TENM2: variants seen among roughly 807,000 people sequenced by gnomAD.
TENM2 encodes teneurin transmembrane protein 2.
In TENM2, 52 loss-of-function variants were observed where a neutral mutation model predicts 245.2. The observed-to-expected ratio is 0.21, with a 90% CI of 0.17 to 0.27. TENM2 has a LOEUF of 0.27. Ranked by LOEUF, TENM2 falls within the 10% of genes least tolerant of loss-of-function variation. TENM2 has a pLI of 1.00. For missense variants in TENM2, 3,046 were observed against 3,666.8 expected (o/e 0.83, Z 4.37); for synonymous variants, 1,363 against 1,438.9 (o/e 0.95, Z 1.19).
chr5:168,127,775 T>A (rs565677709), intron 12 of TENM2, among the ~76,000 whole-genome samples: 2 of 152,258 alleles, frequency 1.3e-5, no homozygotes, highest in Admixed American at 1.3e-4. Flanking sequence ...GGTTTTTACT[T>A]TTGTTATTTA....
Position 168,244,564 on chromosome 5 carries a change from G to A in TENM2, c.5665G>A (p.Ala1889Thr). 6 of 1,612,342 alleles carry A rather than the reference G, an allele frequency of 3.7e-6. No individual in the cohort carries two copies. Among genetic ancestry groups the A allele is most frequent in the Non-Finnish European group, 5.1e-6 (6 of 1,178,950 alleles). Residue 1889 changes from alanine to threonine, a missense_variant, in exon 26 of 29, where the codon GCA becomes ACA. By Grantham distance (58) the Ala-to-Thr change is moderately conservative. Transcript: ENST00000518659. The surrounding 1 kb of genome is among the most constrained non-coding windows in gnomAD (Gnocchi z 4.9). ...CCTCTGGCTGCCCAGCAGCGGGCTG[G>A]CAGCTGTCAACGTGTCATACTTCTT...
the TENM2 span, among the ~76,000 whole-genome samples, chr5:167,062,094 C>T: frequency 6.6e-6 from 1 of 152,008 alleles, no homozygotes; most frequent in Non-Finnish European, 1.5e-5. Flanking sequence ...TTACCAAAAG[C>T]CTTAAAGCAG....
intron 2 of TENM2, among the ~76,000 whole-genome samples, chr5:167,577,758 G>A (rs556950266): frequency 6.6e-6 from 1 of 151,944 alleles, no homozygotes. Flanking sequence ...TTCAAAGTAC[G>A]ATGAGCTAAG....
chr5:167,978,905 G>A (rs1186477878), intron 4 of TENM2, among the ~76,000 whole-genome samples: 1 of 152,158 alleles, frequency 6.6e-6, no homozygotes, highest in East Asian at 1.9e-4. Flanking sequence ...CAACAAGATA[G>A]TTAGGCTAGA....
intron 2 of TENM2, among the ~76,000 whole-genome samples, chr5:167,766,110 A>T (rs546703383): frequency 5.3e-5 from 8 of 152,320 alleles, no homozygotes; most frequent in Non-Finnish European, 8.8e-5. Context: ...GACAAATTGC[A>T]GGAAGAGAGA....
At chr5:168,072,093 C>T (rs1381253275) in intron 7 of TENM2, among the ~76,000 whole-genome samples, 1 of 152,190 alleles carries the variant, frequency 6.6e-6, no homozygotes, top group Non-Finnish European at 1.5e-5. Flanking sequence ...ATTTTCACAG[C>T]CAGCCCACAT....
chr5:167,535,287 G>A (rs1055011759), intron 2 of TENM2, among the ~76,000 whole-genome samples: 8 of 151,914 alleles, frequency 5.3e-5, no homozygotes, highest in Non-Finnish European at 7.4e-5. Flanking sequence ...GCGCCTCAAA[G>A]GGGTGACATA....
At chr5:167,654,126 T>C (rs1038905651) in intron 2 of TENM2, among the ~76,000 whole-genome samples, 1 of 152,166 alleles carries the variant, frequency 6.6e-6, no homozygotes, top group Non-Finnish European at 1.5e-5. Context: ...TAACTTTTTT[T>C]TTTTACTACC....
chr5:167,967,535 G>A (rs1238868560), intron 4 of TENM2, among the ~76,000 whole-genome samples: 1 of 152,124 alleles, frequency 6.6e-6, no homozygotes, highest in Non-Finnish European at 1.5e-5. Context: ...TTTTAAATTT[G>A]CCTGCCTCTA....
At chr5:167,630,698 G>T (rs761239298) in intron 2 of TENM2, among the ~76,000 whole-genome samples, 2 of 152,098 alleles carry the variant, frequency 1.3e-5, no homozygotes, top group Admixed American at 6.5e-5. Flanking sequence ...TCTTTAAAAT[G>T]CAATAACCAT....
intron 5 of TENM2, among the ~76,000 whole-genome samples, chr5:168,008,592 T>C (rs1784999587): frequency 6.6e-6 from 1 of 152,054 alleles, no homozygotes; most frequent in African/African-American, 2.4e-5. Context: ...GGTGAGGCCC[T>C]GATGAAAGGG....
upstream of TENM2, among the ~76,000 whole-genome samples, chr5:167,283,029 A>G (rs758173439): frequency 6.6e-6 from 1 of 151,944 alleles, no homozygotes; most frequent in Non-Finnish European, 1.5e-5. Context: ...CTTGAAGATC[A>G]TAATATTTGT....
At chr5:167,681,133 T>C (rs1468728446) in intron 2 of TENM2, among the ~76,000 whole-genome samples, 2 of 152,238 alleles carry the variant, frequency 1.3e-5, no homozygotes, top group Non-Finnish European at 2.9e-5. Context: ...TAAATTGTTT[T>C]AATATGCTCC....
In TENM2 at chr5:168,068,477, A is replaced by G. The variant is rs548402741; in HGVS notation, c.1515+6212A>G. Among the ~76,000 whole-genome samples, 5 of 152,316 alleles carry G rather than the reference A, an allele frequency of 3.3e-5. No individual in the cohort carries two copies. The East Asian group carries it at 9.6e-4, about 29-fold the overall frequency. Reference sequence around the variant, plus strand: ...TGATAGTTTTGTTACCATAGAGTTTACAGTTCAAATCCATGTTTAGTATTA... The same window carrying G: ...TGATAGTTTTGTTACCATAGAGTTTGCAGTTCAAATCCATGTTTAGTATTA... On this transcript the variant is annotated intron_variant, in intron 7 of 28. Transcript: ENST00000518659.
intron 1 of TENM2, among the ~76,000 whole-genome samples, chr5:167,336,072 A>G (rs1757734376): frequency 6.6e-6 from 1 of 151,902 alleles, no homozygotes; most frequent in East Asian, 1.9e-4. Context: ...GCCAGACTCT[A>G]TACAGTGCTG....
intron 5 of TENM2, among the ~76,000 whole-genome samples, chr5:168,014,198 G>C (rs1177873548): frequency 6.6e-6 from 1 of 152,198 alleles, no homozygotes; most frequent in Non-Finnish European, 1.5e-5. Flanking sequence ...TATCTTAATA[G>C]TAATGGCGAT....
chr5:167,669,281 T>A (rs749435593), intron 2 of TENM2, among the ~76,000 whole-genome samples: 3 of 152,186 alleles, frequency 2.0e-5, no homozygotes, highest in Non-Finnish European at 4.4e-5. Flanking sequence ...TTTAAAATTA[T>A]ACCGTTTGTA....
intron 7 of TENM2, among the ~76,000 whole-genome samples, chr5:168,069,069 G>GA (rs33917157): frequency 4.6e-5 from 7 of 151,672 alleles, no homozygotes; most frequent in South Asian, 2.1e-4. Context: ...CTCCTTATTT[G>GA]AAAAAAAATC....
At chr5:167,659,731 G>GA (rs200684178) in intron 2 of TENM2, among the ~76,000 whole-genome samples, 30 of 151,230 alleles carry the variant, frequency 2.0e-4, no homozygotes, top group Admixed American at 6.6e-4. Flanking sequence ...GGATCACAGG[G>GA]AAAAAAAAAT....
Sources: gnomAD v4.1 joint callset for allele counts (sites outside exome capture counted in the v4.1 genomes callset) on GRCh38, gnomAD v4.1.1 for gene constraint, Gnocchi (gnomAD v3.1) non-coding constraint, MANE v1.5 for transcripts, NCBI Gene and HGNC (gene_info 2026-07-23, HGNC 2026-07-21) for gene names.